SV2A: variants seen among roughly 807,000 people sequenced by gnomAD.
SV2A encodes synaptic vesicle glycoprotein 2A, also known as solute carrier family 22 member B1.
A neutral mutation model predicts 78.0 loss-of-function variants in SV2A; 25 were observed. The ratio of observed to expected loss-of-function variants is 0.32; its 90% confidence interval spans 0.23 to 0.45. The LOEUF is 0.45. SV2A is among the 20% of genes least tolerant of loss of function. The pLI, the probability that SV2A is intolerant of heterozygous loss-of-function variation, is 1.00. For missense variants in SV2A, 752 were observed against 971.5 expected (o/e 0.77, Z 3.00); for synonymous variants, 355 against 384.7 (o/e 0.92, Z 0.90).
chr1:149,910,109 C>T lies in SV2A; in HGVS notation c.1090-219G>A, dbSNP rs1174563199. 2.6e-5 allele frequency among the ~76,000 whole-genome samples: 4 copies of T among 152,098 alleles called. No homozygotes were observed. Among genetic ancestry groups the T allele is most frequent in the South Asian group, 2.1e-4 (1 of 4,824 alleles). On this transcript the variant is annotated intron_variant, in intron 5 of 12. Coordinates refer to ENST00000369146, the MANE Select transcript of SV2A (RefSeq NM_014849.5). The surrounding 1 kb of genome is among the most constrained non-coding windows in gnomAD (Gnocchi z 4.2). Reference sequence around the variant, plus strand: ...GACAATCAGACTTGGGCAAGAGCTGCGGGTTGGGGGTGGGGAGTGTTGTCC... The same window carrying T: ...GACAATCAGACTTGGGCAAGAGCTGTGGGTTGGGGGTGGGGAGTGTTGTCC...
chr1:149,912,640 G>A (rs972436596), intron 2 of SV2A, among the ~76,000 whole-genome samples: 15 of 152,068 alleles, frequency 9.9e-5, no homozygotes, highest in African/African-American at 1.4e-4. Context: ...GTAAGGCCTC[G>A]ATTCTTTCTC....
At chr1:149,909,667 AG>A in intron 6 of SV2A, 96 bp from the exon 7 acceptor site, 1 of 1,437,948 alleles carries the variant, frequency 7.0e-7, no homozygotes, top group Non-Finnish European at 9.8e-7. Flanking sequence ...AATGGGAGGC[AG>A]GAGGTGGATA....
chr1:149,915,123 G>A (rs2092504610), intron 1 of SV2A, among the ~76,000 whole-genome samples: 1 of 152,174 alleles, frequency 6.6e-6, no homozygotes, highest in African/African-American at 2.4e-5. Context: ...ACCTCCCTAA[G>A]CCTCAGTGTC....
In SV2A at chr1:149,910,993, A is replaced by C. The variant is rs782650403; in HGVS notation, c.804-16T>G. 6.2e-7 allele frequency: 1 copy of C among 1,610,554 alleles called. No homozygotes were observed. Among genetic ancestry groups the C allele is most frequent in the Non-Finnish European group, 8.5e-7 (1 of 1,178,492 alleles). On this transcript the variant is annotated splice_polypyrimidine_tract_variant and intron_variant, in intron 3 of 12. Transcript: ENST00000369146. This position sits in a 1 kb window ranked among gnomAD's most constrained non-coding sequence, Gnocchi z 4.2. ...CCCTCCAATCCTGAAGTGCATTTCA[A>C]GAATTCAGCATTAGCAAATGGCCAT...
chr1:149,905,750 C>G (rs2092433472), intron 12 of SV2A, 130 bp downstream of exon 12: 30 of 1,337,796 alleles, frequency 2.2e-5, no homozygotes, highest in Non-Finnish European at 3.1e-5. Flanking sequence ...GCCAAAGCTA[C>G]CAGATTTTAG....
chr1:149,910,605 T>A lies in SV2A; in HGVS notation c.1054A>T (p.Thr352Ser), dbSNP rs782727048. 4 of 1,612,258 alleles carry A rather than the reference T, an allele frequency of 2.5e-6. No homozygotes were observed. The highest frequency in any genetic ancestry group is 3.4e-6 in the Non-Finnish European group (4 of 1,179,310). Residue 352 changes from threonine (T) to serine (S), a missense_variant, in exon 5 of 13, where the codon ACC becomes TCC. This residue lies in a region of SV2A where 136 missense variants were observed against 132.3 expected (regional missense o/e 1.03). Transcript: ENST00000369146. This position sits in a 1 kb window ranked among gnomAD's most constrained non-coding sequence, Gnocchi z 4.2. ...FPSVFAIGALTTQPESPRFFL... is the reference protein window; with the variant it reads ...FPSVFAIGALSTQPESPRFFL... ...AAACGGGGGCTCTCAGGCTGCGTGG[T>A]CAGAGCCCCAATGGCAAACACAGAA...
At chr1:149,912,420 A>G (rs1387488281) in intron 2 of SV2A, among the ~76,000 whole-genome samples, 1 of 152,162 alleles carries the variant, frequency 6.6e-6, no homozygotes, top group African/African-American at 2.4e-5. Flanking sequence ...TCATCTTCCC[A>G]GGAAATCTCC....
rs2092480693 is a variant in SV2A at position 149,912,290 on chromosome 1, G to C, written c.623-310C>G. 2.6e-5 allele frequency among the ~76,000 whole-genome samples: 4 copies of C among 152,108 alleles called. No homozygotes were observed. In the South Asian group the frequency reaches 8.3e-4, roughly 31 times the overall value. The stretch of plus-strand genomic sequence containing the variant: ...TTTACCCCTGGCTCACTTTGAAGGA[G>C]GAATGGGTGTGCCTAGGATCACAGA... On this transcript the variant is annotated intron_variant, in intron 2 of 12. Coordinates refer to ENST00000369146, the MANE Select transcript of SV2A (RefSeq NM_014849.5).
intron 8 of SV2A, among the ~76,000 whole-genome samples, chr1:149,908,728 C>T (rs2092455172): frequency 6.6e-6 from 1 of 152,164 alleles, no homozygotes; most frequent in Admixed American, 6.5e-5. Context: ...ACCTCTGCCT[C>T]CCGGATTCAC....
chr1:149,909,045 G>A (rs1358670749), intron 8 of SV2A, 147 bp downstream of exon 8: 7 of 715,300 alleles, frequency 9.8e-6, no homozygotes, highest in Non-Finnish European at 1.7e-5. Flanking sequence ...AACTAGCGAA[G>A]TAGAGGAGCT....
At chr1:149,909,633 C>T (rs1030197666) in intron 6 of SV2A, 62 bp from the exon 7 acceptor site, 4 of 1,523,420 alleles carry the variant, frequency 2.6e-6, no homozygotes, top group Non-Finnish European at 3.6e-6. Flanking sequence ...CGGCCAGGCG[C>T]CTCAGTTTCC....
chr1:149,916,212 C>CT (rs2092512808), intron 1 of SV2A, among the ~76,000 whole-genome samples: 1 of 152,158 alleles, frequency 6.6e-6, no homozygotes. Flanking sequence ...GAGCCATACT[C>CT]TATGTTTGTT....
chr1:149,916,428 G>T (rs1000695415), intron 1 of SV2A, among the ~76,000 whole-genome samples: 1 of 152,240 alleles, frequency 6.6e-6, no homozygotes, highest in Non-Finnish European at 1.5e-5. Context: ...AAGCCTGGGG[G>T]AGTGAGACAA....
chr1:149,909,503 C>G lies in SV2A; in HGVS notation c.1248G>C (p.Trp416Cys), dbSNP rs1282332022. ...LIEIQSDTGT[W>C]YQRWGVRALS... ...AGGCCCGGACCCCCCAGCGCTGGTA[C>G]CAGGTCCCTGTGTCCGACTGGATCT... is the stretch of plus-strand genomic sequence containing the variant. The change falls in exon 7 of 13, where the codon TGG becomes TGC. Residue 416 changes from tryptophan to cysteine, a missense_variant. This residue lies in a region of SV2A where 136 missense variants were observed against 132.3 expected (regional missense o/e 1.03). Transcript: ENST00000369146. 4 of 1,613,916 alleles carry G rather than the reference C, an allele frequency of 2.5e-6. No homozygotes were observed. The highest frequency in any genetic ancestry group is 3.4e-6 in the Non-Finnish European group (4 of 1,180,000).
intron 5 of SV2A, 52 bp from the exon 6 acceptor site, chr1:149,909,942 G>T (rs1333731079): frequency 7.0e-6 from 11 of 1,561,472 alleles, no homozygotes; most frequent in Non-Finnish European, 9.7e-6. Context: ...ACCTGACCCA[G>T]AGTTATAGAC....
rs782467329 is a variant in SV2A, at chr1:149,913,203, G to GC, written c.622+15dup. The stretch of plus-strand genomic sequence containing the variant: ...CAGAGTTTGAGGGGATAAGGCTGGA[G>GC]CCCCCCATGTCTTACCTAGCATGCC... On this transcript the variant is annotated intron_variant, in intron 2 of 12. Coordinates refer to ENST00000369146, the MANE Select transcript of SV2A (RefSeq NM_014849.5). The GC allele has an allele frequency of 1.9e-6, 3 of 1,609,402 alleles. 1 individual carries two copies. In the South Asian group the frequency reaches 3.3e-5, roughly 18 times the overall value.
At chr1:149,915,509 T>A (rs2092507075) in intron 1 of SV2A, among the ~76,000 whole-genome samples, 1 of 152,146 alleles carries the variant, frequency 6.6e-6, no homozygotes, top group Non-Finnish European at 1.5e-5. Flanking sequence ...CTTCAGAATG[T>A]CATAGATAGG....
Position 149,909,463 on chromosome 1 carries a change from G to C in SV2A, c.1288C>G (p.Gln430Glu). 1 of 1,609,280 alleles carries C rather than the reference G, an allele frequency of 6.2e-7. No homozygotes were observed. The highest frequency in any genetic ancestry group is 8.5e-7 in the Non-Finnish European group (1 of 1,177,514). The change falls in exon 7 of 13, where the codon CAG becomes GAG. Residue 430 changes from glutamine (Q) to glutamate (E), a missense_variant and splice_region_variant. Coordinates refer to ENST00000369146, the MANE Select transcript of SV2A (RefSeq NM_014849.5). ...WGVRALSLGGQVWGNFLSCFG... is the reference protein window; with the variant it reads ...WGVRALSLGGEVWGNFLSCFG... ...TCTACCACCCCGTCCACCATTACCT[G>C]CCCCCCTAGGCTCAAGGCCCGGACC...
chr1:149,909,555 G>C lies in SV2A; in HGVS notation c.1196C>G (p.Thr399Arg). ...AATCAATTCATCCTCCTGATGAATCGTCTTAATGTGGGTTACCTGGGGTCA... is the reference window on the plus strand; with the variant it reads ...AATCAATTCATCCTCCTGATGAATCCTCTTAATGTGGGTTACCTGGGGTCA... ...ERVFSVTHIKTIHQEDELIEI... is the reference protein window; with the variant it reads ...ERVFSVTHIKRIHQEDELIEI... Residue 399 changes from threonine to arginine, a missense_variant, in exon 7 of 13, where the codon ACG becomes AGG. Coordinates refer to ENST00000369146, the MANE Select transcript of SV2A (RefSeq NM_014849.5). 6.2e-7 allele frequency: 1 copy of C among 1,614,066 alleles called. No homozygotes were observed. Among genetic ancestry groups the C allele is most frequent in the Non-Finnish European group, 8.5e-7 (1 of 1,179,982 alleles).
Sources: gnomAD v4.1 joint callset for allele counts (sites outside exome capture counted in the v4.1 genomes callset) on GRCh38, gnomAD v4.1.1 for gene constraint, gnomAD v4.1.1 regional missense constraint, Gnocchi (gnomAD v3.1) non-coding constraint, MANE v1.5 for transcripts, NCBI Gene and HGNC (gene_info 2026-07-23, HGNC 2026-07-21) for gene names.